PLCB1: variants seen among roughly 807,000 people sequenced by gnomAD.
PLCB1 encodes 1-phosphatidylinositol 4,5-bisphosphate phosphodiesterase beta-1.
A neutral mutation model predicts 161.8 loss-of-function variants in PLCB1; 46 were observed. That is an observed-to-expected ratio of 0.28 (90% CI 0.22 to 0.36). The LOEUF (loss-of-function observed/expected upper bound fraction) is 0.36. Among genes scored for constraint, PLCB1 ranks in the 10% least tolerant of loss-of-function variants. The pLI is 1.00. For synonymous variants in PLCB1, 517 were observed against 503.7 expected (o/e 1.03, Z -0.35); for missense variants, 1,016 against 1,472.5 (o/e 0.69, Z 5.07).
intron 3 of PLCB1, 93 bp downstream of exon 3, chr20:8,371,543 A>G (rs1051404105): frequency 7.5e-6 from 6 of 797,538 alleles, no homozygotes; most frequent in Middle Eastern, 2.3e-4. Context: ...AAAAGTTTCT[A>G]TGTTATAGAT....
At chr20:8,422,267 G>C (rs1180051274) in intron 3 of PLCB1, among the ~76,000 whole-genome samples, 2 of 152,196 alleles carry the variant, frequency 1.3e-5, no homozygotes, top group African/African-American at 4.8e-5. Flanking sequence ...AAGATTTGCA[G>C]ATGCACAAAA....
intron 3 of PLCB1, among the ~76,000 whole-genome samples, chr20:8,609,177 T>G (rs944235324): frequency 5.9e-5 from 9 of 152,322 alleles, no homozygotes; most frequent in South Asian, 4.1e-4. Flanking sequence ...AGGCTACAGA[T>G]TTTATTAGGT....
At chr20:8,651,666 G>T (rs1600227085) in intron 7 of PLCB1, 1 of 555,846 alleles carries the variant, frequency 1.8e-6, no homozygotes, top group Non-Finnish European at 3.2e-6. Flanking sequence ...GAAACTCAAG[G>T]TTTCAAGGAC....
At chr20:8,232,239 G>GT (rs1480824833) in intron 2 of PLCB1, among the ~76,000 whole-genome samples, 4,859 of 152,014 alleles carry the variant, frequency 0.032, 268 homozygotes, top group African/African-American at 0.11. Context: ...GAGAGAGAGA[G>GT]AGAGAGAGAG....
intron 3 of PLCB1, among the ~76,000 whole-genome samples, chr20:8,613,055 C>CTTGGAACTGTGGATA (rs1288392292): frequency 6.6e-6 from 1 of 152,076 alleles, no homozygotes. Flanking sequence ...AGCAGTAGAG[C>CTTGGAACTGTGGATA]TTGGAACTGT....
At chr20:8,674,376 A>G (rs1990025149) in intron 9 of PLCB1, among the ~76,000 whole-genome samples, 1 of 152,182 alleles carries the variant, frequency 6.6e-6, no homozygotes, top group African/African-American at 2.4e-5. Flanking sequence ...CTCAATTTCT[A>G]TTTTGAAATA....
chr20:8,413,847 C>T (rs1001105942), intron 3 of PLCB1, among the ~76,000 whole-genome samples: 2 of 152,142 alleles, frequency 1.3e-5, no homozygotes, highest in South Asian at 2.1e-4. Flanking sequence ...TCTATGGATG[C>T]GTTGCCTACA....
chr20:8,263,293 A>G (rs1981797858), intron 2 of PLCB1, among the ~76,000 whole-genome samples: 1 of 152,114 alleles, frequency 6.6e-6, no homozygotes, highest in Non-Finnish European at 1.5e-5. Context: ...CATTACTAGA[A>G]GAAAAATCAA....
intron 16 of PLCB1, among the ~76,000 whole-genome samples, chr20:8,725,012 G>A (rs188799885): frequency 2.2e-4 from 34 of 152,214 alleles, no homozygotes; most frequent in Admixed American, 1.6e-3. Flanking sequence ...GCCATACATG[G>A]CTATCGGAAA....
intron 3 of PLCB1, among the ~76,000 whole-genome samples, chr20:8,442,516 C>A (rs1600403455): frequency 6.6e-6 from 1 of 152,148 alleles, no homozygotes; most frequent in African/African-American, 2.4e-5. Flanking sequence ...CATTAAGTTT[C>A]AGCATCTGAA....
intron 27 of PLCB1, among the ~76,000 whole-genome samples, chr20:8,782,246 G>A (rs1983278200): frequency 6.6e-6 from 1 of 152,158 alleles, no homozygotes; most frequent in Non-Finnish European, 1.5e-5. Context: ...AGAGATTATA[G>A]CTCTGGGTAG....
intron 3 of PLCB1, among the ~76,000 whole-genome samples, chr20:8,445,912 T>C (rs947598599): frequency 1.3e-5 from 2 of 152,322 alleles, no homozygotes; most frequent in Non-Finnish European, 1.5e-5. Flanking sequence ...CCTGAGACTT[T>C]GCTGAAGTTG....
At chr20:8,670,814 G>A (rs1285451581) in intron 9 of PLCB1, among the ~76,000 whole-genome samples, 1 of 152,192 alleles carries the variant, frequency 6.6e-6, no homozygotes, top group Non-Finnish European at 1.5e-5. Context: ...ATAGACTTTG[G>A]TGAGCCATGG....
chr20:8,614,548 T>C (rs973922452), intron 3 of PLCB1, among the ~76,000 whole-genome samples: 8 of 151,722 alleles, frequency 5.3e-5, no homozygotes, highest in Non-Finnish European at 1.0e-4. Flanking sequence ...AAGTTACAAA[T>C]AAATATGTTT....
chr20:8,832,683 G>A (rs1006499778), intron 31 of PLCB1, among the ~76,000 whole-genome samples: 1 of 152,170 alleles, frequency 6.6e-6, no homozygotes, highest in Admixed American at 6.5e-5. Context: ...AATCAGAATC[G>A]AAAGCCTGGC....
chr20:8,547,976 A>G (rs1342938382), intron 3 of PLCB1, among the ~76,000 whole-genome samples: 1 of 151,846 alleles, frequency 6.6e-6, no homozygotes, highest in Non-Finnish European at 1.5e-5. Context: ...CCTTAGTTAT[A>G]CTTTTCCTCC....
Position 8,132,597 on chromosome 20 carries a change from G to A in PLCB1, c.-55G>A, listed in dbSNP as rs1013651706. ...GCCCCGCGCCCCGCGCCCCGCGCAC[G>A]GTCCCCAGTCCCTGCCGCGCTCGCC... On this transcript the variant is annotated 5_prime_UTR_variant, in exon 1 of 32. Coordinates refer to ENST00000338037, the MANE Select transcript of PLCB1 (RefSeq NM_015192.4). The surrounding 1 kb of genome is among the most constrained non-coding windows in gnomAD (Gnocchi z 5.2). 3.6e-5 allele frequency: 43 copies of A among 1,183,018 alleles called. No individual in the cohort carries two copies. The highest frequency in any genetic ancestry group is 4.6e-5 in the Non-Finnish European group (40 of 872,930). The allele number at this position is 1,183,018 out of a possible 1,614,324, so 73.3% of individuals were successfully genotyped here. A position where few individuals can be genotyped will look rare whatever the true frequency, so the allele number is the denominator to read the frequency against.
At chr20:8,241,832 G>A (rs1353735510) in intron 2 of PLCB1, among the ~76,000 whole-genome samples, 1 of 151,950 alleles carries the variant, frequency 6.6e-6, no homozygotes, top group Non-Finnish European at 1.5e-5. Context: ...CAGAGTTGGA[G>A]CTAAGTCCCA....
chr20:8,310,670 G>C (rs1205523762), intron 2 of PLCB1, among the ~76,000 whole-genome samples: 1 of 152,088 alleles, frequency 6.6e-6, no homozygotes, highest in Non-Finnish European at 1.5e-5. Context: ...AGGATATATT[G>C]TGTGATGCTG....
Sources: allele counts gnomAD v4.1 joint callset (sites outside exome capture counted in the v4.1 genomes callset), GRCh38; gene constraint gnomAD v4.1.1; non-coding constraint Gnocchi (gnomAD v3.1); transcripts MANE v1.5; gene names NCBI Gene and HGNC (gene_info 2026-07-23, HGNC 2026-07-21).